The following C16orf46 variants were observed in gnomAD, a reference collection of about 807,000 sequenced individuals.
C16orf46 encodes the protein chromosome 16 open reading frame 46.
Under a neutral mutation model 5.5 loss-of-function variants are expected in C16orf46, and 7 were observed. The ratio of observed to expected loss-of-function variants is 1.28; its 90% CI spans 0.73 to 2.40. The LOEUF (loss-of-function observed/expected upper bound fraction) is 2.40, where lower values mean the gene tolerates loss of function less well. Among genes scored for constraint, C16orf46 ranks in the 30% most tolerant of loss-of-function variants. The probability of loss-of-function intolerance (pLI) is 0.00; values close to 1 mark genes in which losing one functional copy is unlikely to be tolerated. For synonymous variants in C16orf46, 200 were observed against 184.1 expected (o/e 1.09, Z -0.70); for missense variants, 614 against 476.0 (o/e 1.29, Z -2.70).
downstream of C16orf46, among the ~76,000 whole-genome samples, chr16:81,056,690 C>T (rs1375316938): frequency 4.7e-5 from 4 of 84,734 alleles, no homozygotes; most frequent in Non-Finnish European, 7.8e-5. Flanking sequence ...AACAAGACTC[C>T]GTCTCAAAAA....
chr16:81,061,440 G>C lies in C16orf46; in HGVS notation c.909C>G (p.Leu303=), dbSNP rs1185167855. The change falls in exon 4 of 4, where the codon CTC becomes CTG. Residue 303 remains leucine, a synonymous_variant. Transcript: ENST00000299578. ...GGCACGCCAGGTTTTTCTCAGACAGGAGGGACCAATGCAGGCAGCGCTGCT... is the reference window on the plus strand; with the variant it reads ...GGCACGCCAGGTTTTTCTCAGACAGCAGGGACCAATGCAGGCAGCGCTGCT... ...DPEQRCLHWS[L]LSEKNLACPP... The C allele has an allele frequency of 6.2e-7, 1 of 1,614,086 alleles. No individual in the cohort carries two copies. Among genetic ancestry groups the C allele is most frequent in the Non-Finnish European group, 8.5e-7 (1 of 1,180,044 alleles).
At chr16:81,072,692 ATTTTT>A (rs1490037730) in intron 1 of C16orf46, among the ~76,000 whole-genome samples, 1 of 150,450 alleles carries the variant, frequency 6.6e-6, no homozygotes, top group African/African-American at 2.5e-5. Flanking sequence ...CCTAGTTTTT[ATTTTT>A]TTATTTTTAT....
At chr16:81,070,249 G>T (rs1465980787) in intron 1 of C16orf46, among the ~76,000 whole-genome samples, 1 of 152,206 alleles carries the variant, frequency 6.6e-6, no homozygotes, top group Admixed American at 6.5e-5. Context: ...ATACTGAGAT[G>T]ATATAAATAG....
At position 81,065,473 on chromosome 16, in the gene C16orf46, CAA is replaced by C. The variant is rs11303086; in HGVS notation, c.-39+718_-39+719del. On this transcript the variant is annotated intron_variant, in intron 2 of 3. Coordinates refer to ENST00000299578, the MANE Select transcript of C16orf46 (RefSeq NM_152337.3). ...TGGGCGACAGAGTAAGAATCCGTCTCAAAAAAAAAAAAAAAAAAAAAGCAAAA... is the reference window on the plus strand; with the variant it reads ...TGGGCGACAGAGTAAGAATCCGTCTCAAAAAAAAAAAAAAAAAAAGCAAAA... Among the ~76,000 whole-genome samples, 550 of 65,380 alleles carry C rather than the reference CAA, an allele frequency of 8.4e-3. 2 individuals carry two copies. The highest frequency in any genetic ancestry group is 0.026 in the African/African-American group (495 of 18,746). 42.9% of individuals were successfully genotyped at this position (65,380 alleles called of 152,430 possible).
chr16:81,065,656 G>A (rs1230941585), intron 2 of C16orf46, among the ~76,000 whole-genome samples: 1 of 152,050 alleles, frequency 6.6e-6, no homozygotes, highest in East Asian at 1.9e-4. Flanking sequence ...TGATAAGACA[G>A]GAGGCACAGG....
chr16:81,061,523 T>A lies in C16orf46; in HGVS notation c.826A>T (p.Asn276Tyr). 2.5e-6 allele frequency: 4 copies of A among 1,614,164 alleles called. No homozygotes were observed. Among genetic ancestry groups the A allele is most frequent in the Non-Finnish European group, 2.5e-6 (3 of 1,180,016 alleles). The change falls in exon 4 of 4, where the codon AAC becomes TAC. Residue 276 changes from asparagine (N) to tyrosine (Y), a missense_variant. Physicochemically the swap from Asn to Tyr is moderately radical, Grantham distance 143 (BLOSUM62 -2). Transcript: ENST00000299578. ...ASELAKHPMV[N>Y]DTPSSPSPAA... ...GGGGAAGGGGAGGATGGCGTGTCGT[T>A]GACCATAGGGTGTTTGGCCAGCTCA...
chr16:81,069,261 C>T (rs980821229), intron 1 of C16orf46, among the ~76,000 whole-genome samples: 1 of 152,264 alleles, frequency 6.6e-6, no homozygotes, highest in Admixed American at 6.5e-5. Flanking sequence ...CAAGGATAGG[C>T]TGCAGTAACA....
rs187543041 is a variant in C16orf46 at position 81,064,042 on chromosome 16, T to A, written c.-38-49A>T. The A allele has an allele frequency of 1.3e-3, 1,297 of 1,032,804 alleles. 11 individuals carry two copies. In the African/African-American group the frequency reaches 0.016, roughly 12 times the overall value. The allele number at this position is 1,032,804 out of a possible 1,614,324, so 64.0% of individuals were successfully genotyped here. On this transcript the variant is annotated intron_variant, in intron 2 of 3. Coordinates refer to ENST00000299578, the MANE Select transcript of C16orf46 (RefSeq NM_152337.3). The stretch of plus-strand genomic sequence containing the variant: ...TTCGTTTTTAATATTAATTTTTTTT[T>A]AAAAAAAGCAATGCAATACTCAGGT...
intron 3 of C16orf46, among the ~76,000 whole-genome samples, chr16:81,054,634 C>G (rs959960010): frequency 1.3e-5 from 2 of 151,800 alleles, no homozygotes; most frequent in African/African-American, 4.8e-5. Context: ...AGCCACTGCA[C>G]CCGGCCACAT....
intron 2 of C16orf46, among the ~76,000 whole-genome samples, chr16:81,064,798 T>A (rs1971601908): frequency 6.7e-6 from 1 of 149,650 alleles, no homozygotes; most frequent in Non-Finnish European, 1.5e-5. Flanking sequence ...AAGATGGCCA[T>A]CTACAAGCCA....
At chr16:81,057,666 G>A (rs903278425), downstream of C16orf46, among the ~76,000 whole-genome samples, 1 of 98,882 alleles carries the variant, frequency 1.0e-5, no homozygotes. Flanking sequence ...ATAAACTGAA[G>A]TTCATTTAGG....
chr16:81,061,642 G>A lies in C16orf46; in HGVS notation c.707C>T (p.Ser236Leu), dbSNP rs917869299. 2.5e-6 allele frequency: 4 copies of A among 1,613,998 alleles called. No individual in the cohort carries two copies. In the African/African-American group the frequency reaches 5.3e-5, roughly 22 times the overall value. Reference protein sequence around the residue: ...GKKSKNSFLQSEEKVLDVEKD... With the variant: ...GKKSKNSFLQLEEKVLDVEKD... ...TTCCACATCCAGCACCTTCTCTTCTGACTGCAAGAAAGAGTTCTTACTCTT... is the reference window on the plus strand; with the variant it reads ...TTCCACATCCAGCACCTTCTCTTCTAACTGCAAGAAAGAGTTCTTACTCTT... The change falls in exon 4 of 4, where the codon TCA (serine) becomes TTA (leucine). Residue 236 changes from serine to leucine, a missense_variant. By Grantham distance (145) the Ser-to-Leu change is moderately radical. Coordinates refer to ENST00000299578, the MANE Select transcript of C16orf46 (RefSeq NM_152337.3).
At chr16:81,070,492 C>T (rs139484883) in intron 1 of C16orf46, among the ~76,000 whole-genome samples, 1 of 152,078 alleles carries the variant, frequency 6.6e-6, no homozygotes, top group Non-Finnish European at 1.5e-5. Context: ...ATACACCCCC[C>T]CAAACATGGC....
chr16:81,054,876 G>C (rs910746739), intron 3 of C16orf46, among the ~76,000 whole-genome samples: 2 of 152,126 alleles, frequency 1.3e-5, no homozygotes, highest in African/African-American at 4.8e-5. Context: ...TCGAACTCCT[G>C]ACCTCAAGTG....
At chr16:81,075,031 T>C (rs906872756) in intron 1 of C16orf46, among the ~76,000 whole-genome samples, 2 of 152,206 alleles carry the variant, frequency 1.3e-5, no homozygotes, top group African/African-American at 2.4e-5. Context: ...GATAAAGACG[T>C]TGAGAAGGAT....
At chr16:81,074,150 C>A (rs1194560328) in intron 1 of C16orf46, among the ~76,000 whole-genome samples, 3 of 152,166 alleles carry the variant, frequency 2.0e-5, no homozygotes, top group Non-Finnish European at 4.4e-5. Context: ...AAATGCAAAT[C>A]TGAAAACATC....
At chr16:81,058,064 C>CAAAACAAAACAAAACAAAACAAAAT (rs1555526112), downstream of C16orf46, 993 of 170,388 alleles carry the variant, frequency 5.8e-3, 16 homozygotes, top group East Asian at 0.034. Context: ...CAAAACAAAA[C>CAAAACAAAACAAAACAAAACAAAAT]CTGAAACAGA....
At position 81,054,066 on chromosome 16, in the gene C16orf46, C is replaced by G. The variant is rs771099105; in HGVS notation, c.*5G>C. 3.7e-6 allele frequency: 6 copies of G among 1,611,886 alleles called. No individual in the cohort carries two copies. The Admixed American group carries it at 1.0e-4, about 27-fold the overall frequency. On this transcript the variant is annotated 3_prime_UTR_variant, in exon 4 of 4. Transcript: ENST00000378611. ...TTAGGACTGAATGTGAAACTGATCCCTCTCCTACTTTATCTTCTTTTTCCT... is the reference window on the plus strand; with the variant it reads ...TTAGGACTGAATGTGAAACTGATCCGTCTCCTACTTTATCTTCTTTTTCCT...
At chr16:81,075,857 G>C (rs1972021516) in intron 1 of C16orf46, among the ~76,000 whole-genome samples, 1 of 152,132 alleles carries the variant, frequency 6.6e-6, no homozygotes, top group Non-Finnish European at 1.5e-5. Context: ...GAGAAACCAA[G>C]GCCCAGGGTA....
Sources: allele counts gnomAD v4.1 joint callset (sites outside exome capture counted in the v4.1 genomes callset), GRCh38; gene constraint gnomAD v4.1.1; transcripts MANE v1.5; gene names NCBI Gene and HGNC (gene_info 2026-07-23, HGNC 2026-07-21).